The following PTPDC1 variants were observed in gnomAD, a reference collection of about 807,000 sequenced individuals.
PTPDC1 encodes the protein protein tyrosine phosphatase domain-containing protein 1.
In PTPDC1, 53 loss-of-function variants were observed where a neutral mutation model predicts 75.3. The ratio of observed to expected loss-of-function variants is 0.70; its 90% confidence interval spans 0.56 to 0.88. The LOEUF (loss-of-function observed/expected upper bound fraction) is 0.88. PTPDC1 is among the 40% of genes least tolerant of loss of function. The probability of loss-of-function intolerance (pLI) is 0.00; values close to 1 mark genes in which losing one functional copy is unlikely to be tolerated. For missense variants in PTPDC1, 925 were observed against 998.6 expected (o/e 0.93, Z 0.99); for synonymous variants, 349 against 366.2 (o/e 0.95, Z 0.54).
At chr9:94,054,895 A>G (rs1417085883) in intron 1 of PTPDC1, among the ~76,000 whole-genome samples, 1 of 152,244 alleles carries the variant, frequency 6.6e-6, no homozygotes, top group Non-Finnish European at 1.5e-5. Context: ...AGGAACTCAC[A>G]TCTGCTTAAA....
intron 1 of PTPDC1, 139 bp downstream of exon 1, chr9:94,084,913 G>T (rs751624837): frequency 6.3e-6 from 4 of 639,098 alleles, no homozygotes; most frequent in East Asian, 2.9e-5. Flanking sequence ...TGCTATTTTA[G>T]TGAATATATA....
At chr9:94,043,056 T>G (rs1365890622) in intron 1 of PTPDC1, among the ~76,000 whole-genome samples, 1 of 152,216 alleles carries the variant, frequency 6.6e-6, no homozygotes, top group Non-Finnish European at 1.5e-5. Flanking sequence ...TTACACTACA[T>G]GTACAGATAC....
At chr9:94,094,664 C>T (rs1253545313) in intron 4 of PTPDC1, among the ~76,000 whole-genome samples, 1 of 152,204 alleles carries the variant, frequency 6.6e-6, no homozygotes, top group Non-Finnish European at 1.5e-5. Context: ...TGGCGGGCAC[C>T]CCTCCCCCAG....
At chr9:94,085,209 G>T in intron 1 of PTPDC1, 42 bp from the exon 2 acceptor site, 1 of 1,549,186 alleles carries the variant, frequency 6.5e-7, no homozygotes, top group South Asian at 1.1e-5. Context: ...AATTTCATTT[G>T]GAGAGTGGAA....
At chr9:94,064,941 A>G (rs879144006) in intron 2 of PTPDC1, 1 of 703,428 alleles carries the variant, frequency 1.4e-6, no homozygotes, top group Non-Finnish European at 2.4e-6. Flanking sequence ...CCAGGTTGCA[A>G]GTATTACTTA....
chr9:94,055,903 A>G lies in PTPDC1; in HGVS notation c.-6-8831A>G, dbSNP rs142911968. ...TTTCTAAACCCACAGAATGCACAAC[A>G]CAGAGTGCATTCTAAACCCACAGAA... is the stretch of plus-strand genomic sequence containing the variant. On this transcript the variant is annotated intron_variant, in intron 1 of 9. Transcript: ENST00000375360. Among the ~76,000 whole-genome samples the G allele has an allele frequency of 2.7e-3, 408 of 152,274 alleles. 14 individuals are homozygous for G. Among genetic ancestry groups the G allele is most frequent in the Non-Finnish European group, 2.9e-3 (199 of 68,016 alleles).
intron 2 of PTPDC1, among the ~76,000 whole-genome samples, chr9:94,076,845 T>C (rs1232082807): frequency 6.6e-6 from 1 of 152,160 alleles, no homozygotes; most frequent in East Asian, 1.9e-4. Flanking sequence ...TTGATACTTA[T>C]TATTGTCGGG....
intron 2 of PTPDC1, among the ~76,000 whole-genome samples, chr9:94,072,676 C>T (rs1331946671): frequency 6.6e-6 from 1 of 152,180 alleles, no homozygotes; most frequent in Admixed American, 6.5e-5. Flanking sequence ...TTTTCCATAA[C>T]AAGTTGAATT....
chr9:94,044,015 T>C (rs1038197505), intron 1 of PTPDC1, among the ~76,000 whole-genome samples: 11 of 152,356 alleles, frequency 7.2e-5, no homozygotes, highest in Admixed American at 7.2e-4. Flanking sequence ...TTCCATTGAT[T>C]GAAGTGTCTA....
intron 4 of PTPDC1, among the ~76,000 whole-genome samples, chr9:94,095,045 G>A (rs1428768460): frequency 2.6e-5 from 4 of 152,234 alleles, no homozygotes; most frequent in African/African-American, 7.2e-5. Context: ...CTTCTGCGTC[G>A]CTCACGCTGG....
In PTPDC1 at chr9:94,075,128, A is replaced by AT. The variant is rs200440818; in HGVS notation, c.83-10122dup. Among the ~76,000 whole-genome samples, 916 of 127,718 alleles carry AT rather than the reference A, an allele frequency of 7.2e-3. 11 individuals carry two copies. Among genetic ancestry groups the AT allele is most frequent in the African/African-American group, 0.034 (860 of 25,028 alleles). The allele number at this position is 127,718 out of a possible 152,430, so 83.8% of individuals were successfully genotyped here. A position where few individuals can be genotyped will look rare whatever the true frequency, so the allele number is the denominator to read the frequency against. ...CTGCAGCACTGCCCATTTCTATCTG[A>AT]TGGGGGGAATCATCTTTCTGCTCAG... On this transcript the variant is annotated intron_variant, in intron 2 of 9. Coordinates refer to the PTPDC1 transcript ENST00000375360.
At chr9:94,080,862 C>T (rs1826854123), upstream of PTPDC1, among the ~76,000 whole-genome samples, 1 of 152,064 alleles carries the variant, frequency 6.6e-6, no homozygotes, top group Non-Finnish European at 1.5e-5. Flanking sequence ...CCATAATTTC[C>T]TGATTTGGGG....
intron 2 of PTPDC1, among the ~76,000 whole-genome samples, chr9:94,075,125 C>G (rs1042489483): frequency 3.9e-5 from 5 of 127,290 alleles, no homozygotes; most frequent in African/African-American, 2.1e-4. Flanking sequence ...CCATTTCTAT[C>G]TGATGGGGGG....
intron 2 of PTPDC1, among the ~76,000 whole-genome samples, chr9:94,073,496 C>G (rs1564021170): frequency 6.6e-6 from 1 of 151,956 alleles, no homozygotes; most frequent in Non-Finnish European, 1.5e-5. Flanking sequence ...AAATTTTTGT[C>G]AGTCTTGCTA....
chr9:94,067,389 CAA>C (rs1157733841), intron 2 of PTPDC1, among the ~76,000 whole-genome samples: 5 of 143,240 alleles, frequency 3.5e-5, no homozygotes, highest in African/African-American at 1.3e-4. Context: ...GACTCCATCT[CAA>C]AAAAAAAAAA....
chr9:94,087,891 C>T lies in PTPDC1; in HGVS notation c.477C>T (p.His159=). 6.2e-7 allele frequency: 1 copy of T among 1,613,616 alleles called. No individual in the cohort carries two copies. Among genetic ancestry groups the T allele is most frequent in the Non-Finnish European group, 8.5e-7 (1 of 1,179,548 alleles). Residue 159 remains histidine, a synonymous_variant, in exon 3 of 9, where the codon CAC becomes CAT. Coordinates refer to ENST00000620992, the MANE Select transcript of PTPDC1 (RefSeq NM_001253829.2). ...RPSSELLEKY[H]IIDQFLSHGI... ...CCTCTGAGCTCCTGGAGAAGTACCA[C>T]ATCATTGATCAGTTCCTCAGGTAAA...
chr9:94,101,618 A>T lies in PTPDC1; in HGVS notation c.2066A>T (p.Asp689Val). 6.2e-7 allele frequency: 1 copy of T among 1,613,176 alleles called. No homozygotes were observed. The highest frequency in any genetic ancestry group is 8.5e-7 in the Non-Finnish European group (1 of 1,179,502). The change falls in exon 7 of 9, where the codon GAC (aspartate) becomes GTC (valine). Residue 689 changes from aspartate (D) to valine (V), a missense_variant. Physicochemically the swap from Asp to Val is radical, Grantham distance 152. Transcript: ENST00000620992. ...GAWERICGERDPFILCSLMWS... is the reference protein window; with the variant it reads ...GAWERICGERVPFILCSLMWS... ...TGGGAAAGAATATGTGGCGAGAGGG[A>T]CCCTTTCATCCTATGCAGCTTGATG...
intron 7 of PTPDC1, among the ~76,000 whole-genome samples, chr9:94,103,118 G>GCA (rs368031013): frequency 7.2e-5 from 11 of 151,736 alleles, no homozygotes; most frequent in African/African-American, 2.4e-4. Flanking sequence ...GTGCGTGCCT[G>GCA]CACACACACA....
chr9:94,054,139 G>A (rs1357796272), intron 1 of PTPDC1, among the ~76,000 whole-genome samples: 1 of 152,182 alleles, frequency 6.6e-6, no homozygotes, highest in African/African-American at 2.4e-5. Flanking sequence ...GGACAAGGCA[G>A]ACAATAGACA....
Sources: gnomAD v4.1 joint callset for allele counts (sites outside exome capture counted in the v4.1 genomes callset) on GRCh38, gnomAD v4.1.1 for gene constraint, MANE v1.5 for transcripts, NCBI Gene and HGNC (gene_info 2026-07-23, HGNC 2026-07-21) for gene names.